PLEKHA6: variants seen among roughly 807,000 people sequenced by gnomAD.
PLEKHA6 encodes pleckstrin homology domain-containing family A member 6.
In PLEKHA6, 60 loss-of-function variants were observed where a neutral mutation model predicts 116.7. The ratio of observed to expected loss-of-function variants is 0.51; its 90% CI spans 0.42 to 0.64. The LOEUF (loss-of-function observed/expected upper bound fraction) is 0.64. Ranked by LOEUF, PLEKHA6 falls within the 30% of genes least tolerant of loss-of-function variation. PLEKHA6 has a pLI of 0.00. For missense variants in PLEKHA6, 1,338 were observed against 1,422.7 expected, an observed-to-expected ratio of 0.94 and a Z score of 0.96; for synonymous variants, 489 against 556.1, an observed-to-expected ratio of 0.88 and a Z score of 1.70.
chr1:204,337,380 G>A (rs1672686313), intron 1 of PLEKHA6, among the ~76,000 whole-genome samples: 1 of 152,160 alleles, frequency 6.6e-6, no homozygotes, highest in Non-Finnish European at 1.5e-5. Flanking sequence ...CCCCTTCCCA[G>A]TAGCTGCTAC....
At chr1:204,366,425 G>GAAAAAT (rs1055412370) in intron 3 of PLEKHA6, among the ~76,000 whole-genome samples, 6 of 152,132 alleles carry the variant, frequency 3.9e-5, no homozygotes, top group Admixed American at 2.0e-4. Flanking sequence ...AAAAGAAAAA[G>GAAAAAT]AAGAAAAGAA....
chr1:204,346,783 A>G (rs1382211693), intron 1 of PLEKHA6: 10 of 1,052,006 alleles, frequency 9.5e-6, no homozygotes, highest in African/African-American at 3.1e-5. Context: ...CTATTATGCC[A>G]TGAATTCATA....
chr1:204,291,118 A>G (rs1176677613), intron 1 of PLEKHA6, among the ~76,000 whole-genome samples: 1 of 152,212 alleles, frequency 6.6e-6, no homozygotes, highest in Admixed American at 6.5e-5. Flanking sequence ...ACAACTTAGT[A>G]TTAAGATAGC....
At chr1:204,281,832 C>T (rs1289287204) in intron 1 of PLEKHA6, among the ~76,000 whole-genome samples, 1 of 152,192 alleles carries the variant, frequency 6.6e-6, no homozygotes, top group Non-Finnish European at 1.5e-5. Context: ...TACTCGGCTG[C>T]ATGTCTAGGA....
At chr1:204,330,806 T>G (rs1332542255) in intron 1 of PLEKHA6, among the ~76,000 whole-genome samples, 2 of 152,176 alleles carry the variant, frequency 1.3e-5, no homozygotes, top group Admixed American at 6.5e-5. Context: ...GAAGCACCCC[T>G]CCTTCCCTAG....
At chr1:204,362,078 G>A (rs1385867848), upstream of PLEKHA6, among the ~76,000 whole-genome samples, 1 of 152,188 alleles carries the variant, frequency 6.6e-6, no homozygotes, top group East Asian at 1.9e-4. Flanking sequence ...GTAGCTTCAG[G>A]GGCATGAGAA....
intron 9 of PLEKHA6, chr1:204,251,510 G>T: frequency 1.4e-6 from 1 of 702,486 alleles, no homozygotes; most frequent in Non-Finnish European, 2.6e-6. Flanking sequence ...CAGGGACCAT[G>T]CTGCCAGGCA....
rs1008731558 is a variant in PLEKHA6, at chr1:204,309,027, T to G, written c.-94-34218A>C. 15 of 947,572 alleles carry G rather than the reference T, an allele frequency of 1.6e-5. No individual in the cohort carries two copies. In the African/African-American group the frequency reaches 2.6e-4, roughly 17 times the overall value. The allele number at this position is 947,572 out of a possible 1,614,324, so 58.7% of individuals were successfully genotyped here. ...TCTAAATTGCCTGTAGTATTTACTG[T>G]TCCTCCAGTGGCTGGTTTCATGTTT... On this transcript the variant is annotated intron_variant, in intron 1 of 22. Coordinates refer to ENST00000272203, the MANE Select transcript of PLEKHA6 (RefSeq NM_014935.5).
intron 1 of PLEKHA6, chr1:204,325,917 C>T (rs1030089650): frequency 6.1e-6 from 6 of 984,600 alleles, no homozygotes; most frequent in African/African-American, 1.7e-5. Context: ...AGCCAAGCAC[C>T]GCTGGGCTGC....
At chr1:204,313,760 G>A in intron 1 of PLEKHA6, 1 of 935,314 alleles carries the variant, frequency 1.1e-6, no homozygotes, top group Non-Finnish European at 1.3e-6. Context: ...TTAGCAGAGA[G>A]CACCATGTAG....
intron 1 of PLEKHA6, among the ~76,000 whole-genome samples, chr1:204,279,333 G>T (rs1373544705): frequency 2.0e-5 from 3 of 152,156 alleles, no homozygotes; most frequent in Non-Finnish European, 4.4e-5. Context: ...TGAACTCCTA[G>T]GAATTAAGTC....
intron 1 of PLEKHA6, among the ~76,000 whole-genome samples, chr1:204,339,228 G>A (rs1672762433): frequency 6.6e-6 from 1 of 152,190 alleles, no homozygotes; most frequent in Non-Finnish European, 1.5e-5. Context: ...AGCCTCCCTG[G>A]CAGCCCAGCC....
intron 1 of PLEKHA6, among the ~76,000 whole-genome samples, chr1:204,354,664 A>G (rs11240728): frequency 0.65 from 99,180 of 152,106 alleles, 35,515 homozygotes; most frequent in East Asian, 0.82. Context: ...TCATATGGCT[A>G]CTACTTGGGT....
intron 1 of PLEKHA6, among the ~76,000 whole-genome samples, chr1:204,315,509 G>C (rs1210210816): frequency 6.6e-6 from 1 of 152,126 alleles, no homozygotes; most frequent in Non-Finnish European, 1.5e-5. Flanking sequence ...AATCTCCCAG[G>C]GGAAGGCAGG....
chr1:204,285,554 C>A (rs773377294), intron 1 of PLEKHA6, among the ~76,000 whole-genome samples: 17 of 151,992 alleles, frequency 1.1e-4, no homozygotes, highest in Non-Finnish European at 2.1e-4. Context: ...TGGCTCACCG[C>A]AGGCTCCGCT....
Position 204,241,276 on chromosome 1 carries a change from T to G in PLEKHA6, c.2409+99A>C. ...CGTGTTCCACCTTCCTCTCCAGCCC[T>G]GAATTTCTTGAACAGCAGAGGGAGA... On this transcript the variant is annotated intron_variant, in intron 17 of 22. Coordinates refer to ENST00000272203, the MANE Select transcript of PLEKHA6 (RefSeq NM_014935.5). 4 of 744,828 alleles carry G rather than the reference T, an allele frequency of 5.4e-6. No individual in the cohort carries two copies. In the South Asian group the frequency reaches 6.5e-5, roughly 12 times the overall value. 46.1% of individuals were successfully genotyped at this position (744,828 alleles called of 1,614,324 possible). A position where few individuals can be genotyped will look rare whatever the true frequency, so the allele number is the denominator to read the frequency against.
At chr1:204,371,209 G>T (rs774246283) in intron 2 of PLEKHA6, among the ~76,000 whole-genome samples, 2 of 152,208 alleles carry the variant, frequency 1.3e-5, no homozygotes, top group Non-Finnish European at 2.9e-5. Context: ...CAGCACTGGG[G>T]GCTGGCTTCT....
At chr1:204,254,499 G>A (rs1665017505) in intron 9 of PLEKHA6, among the ~76,000 whole-genome samples, 1 of 152,122 alleles carries the variant, frequency 6.6e-6, no homozygotes, top group Admixed American at 6.5e-5. Context: ...AGGTTTGACA[G>A]CAGCTTTGTC....
chr1:204,317,329 T>A (rs934304142), intron 1 of PLEKHA6: 2 of 286,296 alleles, frequency 7.0e-6, no homozygotes, highest in African/African-American at 4.5e-5. Flanking sequence ...AGAGATAAGA[T>A]AACAATCAGC....
Sources: gnomAD v4.1 joint callset for allele counts (sites outside exome capture counted in the v4.1 genomes callset) on GRCh38, gnomAD v4.1.1 for gene constraint, MANE v1.5 for transcripts, NCBI Gene and HGNC (gene_info 2026-07-23, HGNC 2026-07-21) for gene names.